Variants in GULP1 observed in about 807,000 individuals in gnomAD.
GULP1 encodes GULP PTB domain containing engulfment adaptor 1.
In GULP1, 19 loss-of-function variants were observed where a neutral mutation model predicts 40.9. The ratio of observed to expected loss-of-function variants is 0.46; its 90% confidence interval spans 0.32 to 0.68. GULP1 has a LOEUF of 0.68. GULP1 is among the 30% of genes least tolerant of loss of function. The pLI is 0.03. For missense variants in GULP1, 312 were observed against 362.2 expected (o/e 0.86, Z 1.12); for synonymous variants, 119 against 117.6 (o/e 1.01, Z -0.08).
intron 6 of GULP1, among the ~76,000 whole-genome samples, chr2:188,533,066 A>C (rs943265307): frequency 5.3e-5 from 8 of 152,188 alleles, no homozygotes; most frequent in African/African-American, 1.7e-4. Context: ...CCAATTGACC[A>C]ATAACTTATG....
chr2:188,393,465 T>C (rs1055691760), intron 2 of GULP1, among the ~76,000 whole-genome samples: 3 of 152,014 alleles, frequency 2.0e-5, no homozygotes, highest in African/African-American at 7.2e-5. Context: ...ATATGAGTCT[T>C]TATGTGTTAG....
intron 6 of GULP1, 28 bp downstream of exon 6, chr2:188,529,223 C>A: frequency 2.8e-6 from 3 of 1,052,838 alleles, no homozygotes; most frequent in Non-Finnish European, 2.9e-6. Context: ...ATGTTAGAGG[C>A]AATCTTTAAT....
intron 7 of GULP1, among the ~76,000 whole-genome samples, chr2:188,565,634 C>G (rs1209597039): frequency 6.6e-6 from 1 of 151,986 alleles, no homozygotes; most frequent in Non-Finnish European, 1.5e-5. Flanking sequence ...TGCACAGTTT[C>G]TTATAATGTT....
chr2:188,559,431 C>T (rs1421446889), intron 7 of GULP1, among the ~76,000 whole-genome samples: 2 of 152,138 alleles, frequency 1.3e-5, no homozygotes, highest in Non-Finnish European at 2.9e-5. Context: ...AGAACTATGC[C>T]GCAGGGGTGG....
chr2:188,541,255 T>A lies in GULP1; in HGVS notation c.336T>A (p.Thr112=). ...ADDKTDKRIF[T]FICKDSESNK... ...ATAAAACTGACAAGAGGATATTCAC[T>A]TTCATATGCAAAGATTCTGAGTCAA... Residue 112 remains threonine, a synonymous_variant, in exon 7 of 12, where the codon ACT becomes ACA. Coordinates refer to ENST00000409830, the MANE Select transcript of GULP1 (RefSeq NM_016315.4). 6.2e-7 allele frequency: 1 copy of A among 1,611,734 alleles called. No individual in the cohort carries two copies. The highest frequency in any genetic ancestry group is 8.5e-7 in the Non-Finnish European group (1 of 1,177,880).
At chr2:188,427,046 G>A (rs2152800654) in intron 2 of GULP1, among the ~76,000 whole-genome samples, 1 of 152,282 alleles carries the variant, frequency 6.6e-6, no homozygotes, top group South Asian at 2.1e-4. Context: ...GTTGCATTTT[G>A]CCTCTGCCCT....
chr2:188,376,765 G>A (rs1240513302), intron 1 of GULP1, among the ~76,000 whole-genome samples: 1 of 152,164 alleles, frequency 6.6e-6, no homozygotes, highest in Non-Finnish European at 1.5e-5. Flanking sequence ...ATATGCTATT[G>A]GTGGAAGTCT....
rs76925176 is a variant in GULP1, at chr2:188,470,377, A to G, written c.-44-7282A>G. The stretch of plus-strand genomic sequence containing the variant: ...CATAGTAGCCACTAATGATCCTTTG[A>G]ATGTCTGCTGTATCAGTTGTACAGT... On this transcript the variant is annotated intron_variant, in intron 2 of 11. Transcript: ENST00000409830. 4.0e-4 allele frequency among the ~76,000 whole-genome samples: 61 copies of G among 152,194 alleles called. 2 individuals carry two copies. In the East Asian group the frequency reaches 5.6e-3, roughly 14 times the overall value.
chr2:188,471,400 G>T (rs563800343), intron 2 of GULP1, among the ~76,000 whole-genome samples: 1 of 151,830 alleles, frequency 6.6e-6, no homozygotes, highest in Admixed American at 6.6e-5. Context: ...TACTCCTGCC[G>T]TTTTATTATT....
rs992329477 is a variant in GULP1 at position 188,488,874 on chromosome 2, A to G, written c.90+5382A>G. On this transcript the variant is annotated intron_variant, in intron 4 of 11. Transcript: ENST00000409830. Reference sequence around the variant, plus strand: ...GATTGTCCTGGTCTTAAAATCAAATATAGAAAGATAAGGTAGTCCTTGTAA... The same window carrying G: ...GATTGTCCTGGTCTTAAAATCAAATGTAGAAAGATAAGGTAGTCCTTGTAA... Among the ~76,000 whole-genome samples the G allele has an allele frequency of 2.6e-5, 4 of 152,050 alleles. 1 individual carries two copies. The highest frequency in any genetic ancestry group is 9.6e-5 in the African/African-American group (4 of 41,454).
At chr2:188,400,039 AAAAC>A (rs2051986714) in intron 2 of GULP1, among the ~76,000 whole-genome samples, 1 of 152,202 alleles carries the variant, frequency 6.6e-6, no homozygotes, top group Non-Finnish European at 1.5e-5. Context: ...AGAGTGGCTT[AAAAC>A]AACAAAAATT....
In GULP1 at chr2:188,294,768, C is replaced by T. The variant is rs142435498; in HGVS notation, c.-172+2602C>T. Reference sequence around the variant, plus strand: ...TGCAAAGTAAAGAAACTTTCCTTTACATAATTACAAGATTATTGTGAGAAT... The same window carrying T: ...TGCAAAGTAAAGAAACTTTCCTTTATATAATTACAAGATTATTGTGAGAAT... On this transcript the variant is annotated intron_variant, in intron 1 of 11. Coordinates refer to ENST00000409830, the MANE Select transcript of GULP1 (RefSeq NM_016315.4). Among the ~76,000 whole-genome samples, 1,503 of 152,260 alleles carry T rather than the reference C, an allele frequency of 9.9e-3. 35 individuals are homozygous for T. The highest frequency in any genetic ancestry group is 0.034 in the African/African-American group (1,417 of 41,562).
chr2:188,334,534 C>T (rs1408230009), intron 1 of GULP1, among the ~76,000 whole-genome samples: 6 of 152,308 alleles, frequency 3.9e-5, no homozygotes, highest in African/African-American at 1.4e-4. Context: ...AGGAAGCCTT[C>T]TCAGGTTGAT....
intron 7 of GULP1, among the ~76,000 whole-genome samples, chr2:188,564,469 T>C (rs1388569747): frequency 6.6e-6 from 1 of 151,720 alleles, no homozygotes; most frequent in Non-Finnish European, 1.5e-5. Context: ...GAAAGAAAAA[T>C]GTATTTACCG....
chr2:188,362,781 C>T (rs2046266036), intron 1 of GULP1, among the ~76,000 whole-genome samples: 1 of 151,936 alleles, frequency 6.6e-6, no homozygotes, highest in Non-Finnish European at 1.5e-5. Context: ...ACTTAGAAGG[C>T]TGATGGATCA....
Position 188,359,750 on chromosome 2 carries a change from T to G in GULP1, c.-171-24013T>G, listed in dbSNP as rs575423737. On this transcript the variant is annotated intron_variant, in intron 1 of 11. Coordinates refer to ENST00000409830, the MANE Select transcript of GULP1 (RefSeq NM_016315.4). ...TAGGCCCCAAATAACTGATTGCTCGTTTTTCCTTAGCATGGTTTTGGAAGG... is the reference window on the plus strand; with the variant it reads ...TAGGCCCCAAATAACTGATTGCTCGGTTTTCCTTAGCATGGTTTTGGAAGG... Among the ~76,000 whole-genome samples, 4 of 152,302 alleles carry G rather than the reference T, an allele frequency of 2.6e-5. No individual in the cohort carries two copies. In the South Asian group the frequency reaches 8.3e-4, roughly 32 times the overall value.
intron 2 of GULP1, among the ~76,000 whole-genome samples, chr2:188,459,958 C>G (rs185566613): frequency 1.3e-5 from 2 of 151,982 alleles, no homozygotes; most frequent in South Asian, 2.1e-4. Context: ...ACTGTAGGTG[C>G]GTGGATTTAT....
intron 2 of GULP1, among the ~76,000 whole-genome samples, chr2:188,415,880 A>G (rs556822087): frequency 2.6e-5 from 4 of 152,226 alleles, no homozygotes; most frequent in Admixed American, 2.0e-4. Flanking sequence ...CATTAATTCC[A>G]TTGTTTGCAG....
intron 4 of GULP1, among the ~76,000 whole-genome samples, chr2:188,496,470 TAAAA>T (rs2062905821): frequency 6.6e-6 from 1 of 151,946 alleles, no homozygotes; most frequent in South Asian, 2.1e-4. Flanking sequence ...ATATTCAAAC[TAAAA>T]AATATTCTTC....
Sources: allele counts gnomAD v4.1 joint callset (sites outside exome capture counted in the v4.1 genomes callset), GRCh38; gene constraint gnomAD v4.1.1; transcripts MANE v1.5; gene names NCBI Gene and HGNC (gene_info 2026-07-23, HGNC 2026-07-21).